MEGF11: variants seen among roughly 807,000 people sequenced by gnomAD.
MEGF11 encodes the protein multiple epidermal growth factor-like domains protein 11.
Under a neutral mutation model 146.6 loss-of-function variants are expected in MEGF11, and 126 were observed. That is an observed-to-expected ratio of 0.86 (90% confidence interval 0.74 to 1.00). The LOEUF (loss-of-function observed/expected upper bound fraction) is 1.00. MEGF11 is among the 50% of genes least tolerant of loss of function. The probability of loss-of-function intolerance (pLI) is 0.00; values close to 1 mark genes in which losing one functional copy is unlikely to be tolerated. For synonymous variants in MEGF11, 532 were observed against 583.4 expected (o/e 0.91, Z 1.27); for missense variants, 1,509 against 1,521.2 (o/e 0.99, Z 0.13).
chr15:65,968,206 G>A (rs1567181385), intron 8 of MEGF11, among the ~76,000 whole-genome samples: 1 of 152,176 alleles, frequency 6.6e-6, no homozygotes, highest in East Asian at 1.9e-4. Flanking sequence ...AAGGGAAGGA[G>A]GGAAACTGAG....
chr15:66,145,514 G>C (rs1238791534), intron 1 of MEGF11, among the ~76,000 whole-genome samples: 1 of 152,210 alleles, frequency 6.6e-6, no homozygotes, highest in Non-Finnish European at 1.5e-5. Context: ...TTACTACAGG[G>C]AGAGAGAGGG....
intron 1 of MEGF11, among the ~76,000 whole-genome samples, chr15:66,182,605 AG>A (rs1326316527): frequency 6.6e-6 from 1 of 152,344 alleles, no homozygotes; most frequent in African/African-American, 2.4e-5. Flanking sequence ...AAAGCACTTC[AG>A]GAGCTCAAGG....
chr15:66,252,880 C>G (rs968467), intron 1 of MEGF11, among the ~76,000 whole-genome samples: 141,367 of 152,222 alleles, frequency 0.93, 65,648 homozygotes, highest in East Asian at 0.99. Flanking sequence ...CGCAGAGAGT[C>G]ACTTGCTTCT....
chr15:65,911,376 G>A (rs1210770496), intron 21 of MEGF11, among the ~76,000 whole-genome samples: 1 of 152,210 alleles, frequency 6.6e-6, no homozygotes, highest in Non-Finnish European at 1.5e-5. Context: ...ACATTGTGTT[G>A]GTAGCATACT....
Position 66,004,496 on chromosome 15 carries a change from G to A in MEGF11, c.395-22008C>T, listed in dbSNP as rs2082463048. On this transcript the variant is annotated intron_variant, in intron 5 of 25. Transcript: ENST00000395614. Reference sequence around the variant, plus strand: ...AATATTTGTTCAGTCTGAGTGGTGGGTGTTTTTCATGTTATTTTCTCTATT... The same window carrying A: ...AATATTTGTTCAGTCTGAGTGGTGGATGTTTTTCATGTTATTTTCTCTATT... 2.0e-5 allele frequency among the ~76,000 whole-genome samples: 3 copies of A among 152,078 alleles called. No homozygotes were observed. The South Asian group carries it at 6.2e-4, about 32-fold the overall frequency.
At chr15:66,037,859 T>A (rs2083786472) in intron 5 of MEGF11, among the ~76,000 whole-genome samples, 1 of 152,178 alleles carries the variant, frequency 6.6e-6, no homozygotes, top group Non-Finnish European at 1.5e-5. Context: ...CACTGCCACT[T>A]CTTCTCTGGA....
rs1158785680 is a variant in MEGF11 at position 65,964,996 on chromosome 15, G to A, written c.1024C>T (p.Pro342Ser). 2 of 1,569,356 alleles carry A rather than the reference G, an allele frequency of 1.3e-6. No individual in the cohort carries two copies. The highest frequency in any genetic ancestry group is 2.3e-5 in the South Asian group (2 of 85,246). Reference protein sequence around the residue: ...ACECEPGYKGPRCQERLCPEG... With the variant: ...ACECEPGYKGSRCQERLCPEG... ...GGGCACAGTCGCTCCTGGCAGCGTG[G>A]GCCCTTGTAGCCAGGCTCACACTCG... Residue 342 changes from proline (P) to serine (S), a missense_variant, in exon 9 of 26, where the codon CCA (proline) becomes TCA (serine). Pro to Ser is a moderately conservative substitution (Grantham distance 74). Coordinates refer to ENST00000395614, the MANE Select transcript of MEGF11 (RefSeq NM_001385028.1).
intron 5 of MEGF11, among the ~76,000 whole-genome samples, chr15:66,030,659 C>T (rs1054563857): frequency 6.6e-6 from 1 of 152,148 alleles, no homozygotes; most frequent in Non-Finnish European, 1.5e-5. Flanking sequence ...ATCTGCCTGC[C>T]TCGGCCTCCC....
At chr15:66,112,503 G>A (rs558005534) in intron 4 of MEGF11, among the ~76,000 whole-genome samples, 22 of 152,302 alleles carry the variant, frequency 1.4e-4, no homozygotes, top group Admixed American at 3.9e-4. Context: ...GGAATACGAG[G>A]ATCCAACATA....
chr15:66,082,077 AGT>A (rs2085882028), intron 5 of MEGF11, among the ~76,000 whole-genome samples: 1 of 152,136 alleles, frequency 6.6e-6, no homozygotes, highest in Non-Finnish European at 1.5e-5. Context: ...GAAGCCACCA[AGT>A]CTTGTTACAG....
chr15:65,900,916 C>G (rs2078479906), intron 24 of MEGF11, among the ~76,000 whole-genome samples: 1 of 152,220 alleles, frequency 6.6e-6, no homozygotes. Flanking sequence ...GATATAGGCC[C>G]AGATGCTGGT....
intron 1 of MEGF11, among the ~76,000 whole-genome samples, chr15:66,190,639 C>T (rs1219349910): frequency 6.6e-6 from 1 of 152,150 alleles, no homozygotes; most frequent in East Asian, 1.9e-4. Flanking sequence ...GTCTGAGATC[C>T]TTGCCCACCT....
chr15:66,208,096 A>G (rs1225447391), intron 1 of MEGF11, among the ~76,000 whole-genome samples: 5 of 152,126 alleles, frequency 3.3e-5, no homozygotes, highest in African/African-American at 1.2e-4. Context: ...GAAAAAAAAA[A>G]AAAAAGAAGA....
intron 4 of MEGF11, among the ~76,000 whole-genome samples, chr15:66,112,060 G>T (rs138667527): frequency 0.017 from 2,421 of 143,386 alleles, 28 homozygotes; most frequent in Non-Finnish European, 0.027. Flanking sequence ...AGGGAGGGAA[G>T]AAAGGGCTAA....
chr15:66,087,990 A>C (rs1474901227), intron 5 of MEGF11, among the ~76,000 whole-genome samples: 1 of 152,246 alleles, frequency 6.6e-6, no homozygotes, highest in African/African-American at 2.4e-5. Flanking sequence ...GCAACAGGAG[A>C]TATTACAACT....
At chr15:65,952,126 T>C (rs976646590) in intron 10 of MEGF11, among the ~76,000 whole-genome samples, 1 of 152,200 alleles carries the variant, frequency 6.6e-6, no homozygotes, top group Non-Finnish European at 1.5e-5. Context: ...ACATACAGAA[T>C]TCAGTACTGC....
intron 13 of MEGF11, 34 bp from the exon 14 acceptor site, chr15:65,923,003 A>T: frequency 6.2e-7 from 1 of 1,605,082 alleles, no homozygotes; most frequent in Non-Finnish European, 8.5e-7. Context: ...GTCAGTGGTA[A>T]GAGAGGTGAG....
intron 1 of MEGF11, among the ~76,000 whole-genome samples, chr15:66,229,023 T>G (rs1231667187): frequency 6.6e-6 from 1 of 152,110 alleles, no homozygotes; most frequent in Non-Finnish European, 1.5e-5. Context: ...GCACTACCCT[T>G]TGCTGATTTT....
intron 5 of MEGF11, among the ~76,000 whole-genome samples, chr15:66,057,221 G>C (rs572179428): frequency 6.6e-6 from 1 of 152,114 alleles, no homozygotes; most frequent in Non-Finnish European, 1.5e-5. Flanking sequence ...GGAGGCTTTC[G>C]GTGAAGCAAA....
Sources: allele counts gnomAD v4.1 joint callset (sites outside exome capture counted in the v4.1 genomes callset), GRCh38; gene constraint gnomAD v4.1.1; transcripts MANE v1.5; gene names NCBI Gene and HGNC (gene_info 2026-07-23, HGNC 2026-07-21).